GRHPR: variants seen among roughly 807,000 people sequenced by gnomAD.
GRHPR encodes the protein glyoxylate and hydroxypyruvate reductase, also known as glyoxylate reductase/hydroxypyruvate reductase.
GRHPR carries 35 observed loss-of-function variants against 36.8 expected under a neutral mutation model. The observed-to-expected ratio is 0.95, with a 90% CI of 0.73 to 1.26. The LOEUF is 1.26. GRHPR is among the 50% of genes most tolerant of loss of function. The probability of loss-of-function intolerance (pLI) is 0.00; values close to 1 mark genes in which losing one functional copy is unlikely to be tolerated. For synonymous variants in GRHPR, 179 were observed against 181.0 expected (o/e 0.99, Z 0.09); for missense variants, 380 against 435.0 (o/e 0.87, Z 1.12).
At chr9:37,422,485 CG>C (rs1378798952), upstream of GRHPR, among the ~76,000 whole-genome samples, 1 of 151,672 alleles carries the variant, frequency 6.6e-6, no homozygotes, top group Non-Finnish European at 1.5e-5. Flanking sequence ...CCCTCTCCCC[CG>C]GGGCCCTGAT....
rs1823008679 is a variant in GRHPR at position 37,424,936 on chromosome 9, C to A, written c.175C>A (p.Leu59Ile). ...VAGAHGLLCL[L>I]SDHVDKRILD... ...GGGGGCCCACGGCCTGCTCTGCCTC[C>A]TCTCCGACCACGTGGACAAGAGGAT... Residue 59 changes from leucine to isoleucine, a missense_variant, in exon 2 of 9, where the codon CTC (leucine) becomes ATC (isoleucine). Physicochemically the swap from Leu to Ile is conservative, Grantham distance 5 (BLOSUM62 2). Coordinates refer to ENST00000318158, the MANE Select transcript of GRHPR (RefSeq NM_012203.2). The A allele has an allele frequency of 6.2e-7, 1 of 1,612,698 alleles. No homozygotes were observed. The highest frequency in any genetic ancestry group is 1.7e-5 in the Admixed American group (1 of 60,032).
At chr9:37,436,099 C>T (rs1308170181) in intron 8 of GRHPR, among the ~76,000 whole-genome samples, 1 of 152,156 alleles carries the variant, frequency 6.6e-6, no homozygotes, top group Non-Finnish European at 1.5e-5. Flanking sequence ...CAGTGCTAAA[C>T]TCCTATGCGT....
At chr9:37,426,793 C>CA (rs893268068) in intron 4 of GRHPR, 139 bp downstream of exon 4, 12 of 621,126 alleles carry the variant, frequency 1.9e-5, no homozygotes, top group South Asian at 6.8e-5. Flanking sequence ...AGTAAAAATA[C>CA]AAAAAAAATT....
chr9:37,435,948 TG>T (rs1823621975), intron 8 of GRHPR, among the ~76,000 whole-genome samples: 1 of 152,038 alleles, frequency 6.6e-6, no homozygotes, highest in Non-Finnish European at 1.5e-5. Context: ...GACGGTTCTT[TG>T]GGGGCAAGTA....
At chr9:37,424,380 G>A (rs776574938) in intron 1 of GRHPR, among the ~76,000 whole-genome samples, 24 of 152,266 alleles carry the variant, frequency 1.6e-4, no homozygotes, top group Admixed American at 5.2e-4. Flanking sequence ...GTGAGCTGCC[G>A]TGGAAGCGTT....
intron 7 of GRHPR, chr9:37,431,049 T>A (rs2118885930): frequency 2.1e-6 from 1 of 474,300 alleles, no homozygotes; most frequent in South Asian, 1.5e-5. Flanking sequence ...TCAGTGATAC[T>A]TTGAACCTTA....
intron 8 of GRHPR, among the ~76,000 whole-genome samples, chr9:37,436,335 C>A (rs1232218693): frequency 6.6e-6 from 1 of 152,200 alleles, no homozygotes; most frequent in Non-Finnish European, 1.5e-5. Flanking sequence ...GTCTCAAACT[C>A]CTCAGCTCAA....
chr9:37,436,691 A>G lies in GRHPR; in HGVS notation c.896A>G (p.His299Arg). 1 of 1,613,830 alleles carries G rather than the reference A, an allele frequency of 6.2e-7. No individual in the cohort carries two copies. Among genetic ancestry groups the G allele is most frequent in the Non-Finnish European group, 8.5e-7 (1 of 1,179,938 alleles). Residue 299 changes from histidine (H) to arginine (R), a missense_variant, in exon 9 of 9, where the codon CAC becomes CGC. Transcript: ENST00000318158. ...CTGCCCCACATTGGCAGTGCCACCCACAGAACCCGCAACACCATGTCCTTG... is the reference window on the plus strand; with the variant it reads ...CTGCCCCACATTGGCAGTGCCACCCGCAGAACCCGCAACACCATGTCCTTG... ...VILPHIGSAT[H>R]RTRNTMSLLA...
Position 37,424,869 on chromosome 9 carries a change from G to T in GRHPR, c.108G>T (p.Ser36=). The T allele has an allele frequency of 6.2e-7, 1 of 1,613,440 alleles. No homozygotes were observed. Among genetic ancestry groups the T allele is most frequent in the Non-Finnish European group, 8.5e-7 (1 of 1,179,842 alleles). The part of the protein sequence containing the change: ...AADCEVEQWD[S]DEPIPAKELE... The stretch of plus-strand genomic sequence containing the variant: ...GCTGTGAGGTGGAGCAGTGGGACTC[G>T]GATGAGCCCATCCCTGCCAAGGAGC... The change falls in exon 2 of 9, where the codon TCG becomes TCT. Residue 36 remains serine (S), a synonymous_variant. Transcript: ENST00000318158.
At position 37,424,939 on chromosome 9, in the gene GRHPR, T is replaced by G. The variant is rs771071997; in HGVS notation, c.178T>G (p.Ser60Ala). The change falls in exon 2 of 9, where the codon TCC (serine) becomes GCC (alanine). Residue 60 changes from serine to alanine, a missense_variant. Transcript: ENST00000318158. ...AGAHGLLCLL[S>A]DHVDKRILDA... Reference sequence around the variant, plus strand: ...GGCCCACGGCCTGCTCTGCCTCCTCTCCGACCACGTGGACAAGAGGATCCT... The same window carrying G: ...GGCCCACGGCCTGCTCTGCCTCCTCGCCGACCACGTGGACAAGAGGATCCT... The G allele has an allele frequency of 6.2e-7, 1 of 1,612,492 alleles. No homozygotes were observed. The highest frequency in any genetic ancestry group is 2.2e-5 in the East Asian group (1 of 44,870).
At chr9:37,429,539 C>T in intron 5 of GRHPR, 193 bp from the exon 6 acceptor site, 1 of 666,424 alleles carries the variant, frequency 1.5e-6, no homozygotes. Flanking sequence ...ATCCCTGGGG[C>T]AGTGTGGGCT....
chr9:37,427,980 G>A (rs1173033157), intron 4 of GRHPR: 1 of 212,052 alleles, frequency 4.7e-6, no homozygotes, highest in Non-Finnish European at 9.6e-6. Context: ...GCATGGAGCA[G>A]AGTAGACAGT....
At position 37,426,612 on chromosome 9, in the gene GRHPR, C is replaced by A. The variant is rs938529986; in HGVS notation, c.362C>A (p.Thr121Asn). Residue 121 changes from threonine to asparagine, a missense_variant, in exon 4 of 9, where the codon ACC becomes AAC. Physicochemically the swap from Thr to Asn is moderately conservative, Grantham distance 65. Transcript: ENST00000318158. ...TAELAVSLLL[T>N]TCRRLPEAIE... ...GAACTCGCAGTCTCCCTGCTACTTA[C>A]CACCTGCCGCCGGTTGCCGGAGGCC... 1 of 1,613,616 alleles carries A rather than the reference C, an allele frequency of 6.2e-7. No individual in the cohort carries two copies. Among genetic ancestry groups the A allele is most frequent in the Non-Finnish European group, 8.5e-7 (1 of 1,179,538 alleles).
intron 1 of GRHPR, 23 bp from the exon 2 acceptor site, chr9:37,424,822 T>C (rs200089195): frequency 9.6e-5 from 155 of 1,611,168 alleles, no homozygotes; most frequent in Middle Eastern, 1.8e-4. Context: ...CTGCTTCTCC[T>C]GAGGGCCTCC....
intron 2 of GRHPR, 97 bp downstream of exon 2, chr9:37,425,072 G>T: frequency 7.8e-7 from 1 of 1,280,806 alleles, no homozygotes; most frequent in Middle Eastern, 2.5e-4. Flanking sequence ...GTGCTGTCTG[G>T]GTTCTGAGGG....
At chr9:37,438,537 T>G (rs1339027886), downstream of GRHPR, 2 of 152,232 alleles carry the variant, frequency 1.3e-5, no homozygotes, top group African/African-American at 4.8e-5. Flanking sequence ...CACTTATGCT[T>G]CAGCAGAGGT....
downstream of GRHPR, chr9:37,437,005 G>A (rs555284226): frequency 6.1e-6 from 3 of 495,482 alleles, no homozygotes; most frequent in South Asian, 2.0e-5. Context: ...GTCTTGGCCT[G>A]TAAATGGGGA....
At chr9:37,427,038 A>T (rs548898365) in intron 4 of GRHPR, among the ~76,000 whole-genome samples, 2 of 152,174 alleles carry the variant, frequency 1.3e-5, no homozygotes, top group Non-Finnish European at 2.9e-5. Context: ...AGTCCAGCCC[A>T]CGCATAGTCC....
chr9:37,426,623 CG>C lies in GRHPR; in HGVS notation c.375del (p.Leu126CysfsTer8), dbSNP rs180177308. ...CTCCCTGCTACTTACCACCTGCCGC[CG>C]GTTGCCGGAGGCCATCGAGGAAGTG... is the stretch of plus-strand genomic sequence containing the variant. The part of the protein sequence containing the change: ...AVSLLLTTCR[R>X]LPEAIEEVKN... On this transcript the variant is annotated frameshift_variant, in exon 4 of 9. Coordinates refer to ENST00000318158, the MANE Select transcript of GRHPR (RefSeq NM_012203.2). LOFTEE classifies it high-confidence loss of function. The C allele has an allele frequency of 6.2e-7, 1 of 1,612,880 alleles. No homozygotes were observed. Among genetic ancestry groups the C allele is most frequent in the Non-Finnish European group, 8.5e-7 (1 of 1,178,894 alleles).
Sources: gnomAD v4.1 joint callset for allele counts (sites outside exome capture counted in the v4.1 genomes callset) on GRCh38, gnomAD v4.1.1 for gene constraint, MANE v1.5 for transcripts, NCBI Gene and HGNC (gene_info 2026-07-23, HGNC 2026-07-21) for gene names.